Variants in SMAP2 observed in about 807,000 individuals in gnomAD.
The protein encoded by SMAP2 is stromal membrane-associated protein 2.
In SMAP2, 25 loss-of-function variants were observed where a neutral mutation model predicts 56.4. The ratio of observed to expected loss-of-function variants is 0.44; its 90% CI spans 0.32 to 0.62. SMAP2 has a LOEUF of 0.62. Among genes scored for constraint, SMAP2 ranks in the 20% least tolerant of loss-of-function variants. The probability of loss-of-function intolerance (pLI) is 0.04; values close to 1 mark genes in which losing one functional copy is unlikely to be tolerated. For synonymous variants in SMAP2, 157 were observed against 181.7 expected (o/e 0.86, Z 1.09); for missense variants, 388 against 545.6 (o/e 0.71, Z 2.88).
chr1:40,411,196 T>G (rs1214159091), intron 4 of SMAP2, among the ~76,000 whole-genome samples: 1 of 152,228 alleles, frequency 6.6e-6, no homozygotes, highest in East Asian at 1.9e-4. Flanking sequence ...GACTCTTACC[T>G]TGCAGTTATC....
At chr1:40,351,063 C>T (rs1298962139) in intron 1 of SMAP2, among the ~76,000 whole-genome samples, 7 of 152,290 alleles carry the variant, frequency 4.6e-5, no homozygotes, top group Non-Finnish European at 7.3e-5. Flanking sequence ...CAAGAAGTTC[C>T]CTTGTGCTTG....
chr1:40,386,853 CT>C lies in SMAP2; in HGVS notation c.103+12648del, dbSNP rs57984975. On this transcript the variant is annotated intron_variant, in intron 1 of 9. Coordinates refer to ENST00000372718, the MANE Select transcript of SMAP2 (RefSeq NM_022733.3). The surrounding 1 kb of genome is among the most constrained non-coding windows in gnomAD (Gnocchi z 4.1). Reference sequence around the variant, plus strand: ...GATGCTGAAGGTATTTTTCATAATTCTTTTTTTTTTTTTTTTTTGGAGACAA... The same window carrying C: ...GATGCTGAAGGTATTTTTCATAATTCTTTTTTTTTTTTTTTTTGGAGACAA... 4.6e-3 allele frequency among the ~76,000 whole-genome samples: 582 copies of C among 127,318 alleles called. 1 individual carries two copies. Among genetic ancestry groups the C allele is most frequent in the African/African-American group, 0.012 (402 of 33,726 alleles). 83.5% of individuals were successfully genotyped at this position (127,318 alleles called of 152,430 possible).
intron 1 of SMAP2, among the ~76,000 whole-genome samples, chr1:40,345,878 A>ATATTTTATTG (rs879340127): frequency 2.1e-5 from 2 of 95,048 alleles, no homozygotes; most frequent in African/African-American, 6.7e-5. Flanking sequence ...ATATTGTATT[A>ATATTTTATTG]TATTGTATTG....
Position 40,413,032 on chromosome 1 carries a change from A to G in SMAP2, c.419A>G (p.Lys140Arg), listed in dbSNP as rs1431835109. ...INAFRKEKDDKWKRGSEPVPE... is the reference protein window; with the variant it reads ...INAFRKEKDDRWKRGSEPVPE... ...TCATTATAGAAAGAAAAAGATGACA[A>G]GTGGAAAAGAGGGAGCGAACCAGTT... is the stretch of plus-strand genomic sequence containing the variant. The change falls in exon 5 of 10, where the codon AAG (lysine) becomes AGG (arginine). Residue 140 changes from lysine to arginine, a missense_variant. By Grantham distance (26) the Lys-to-Arg change is conservative (BLOSUM62 2). Coordinates refer to ENST00000372718, the MANE Select transcript of SMAP2 (RefSeq NM_022733.3). 8 of 1,611,150 alleles carry G rather than the reference A, an allele frequency of 5.0e-6. No individual in the cohort carries two copies. The highest frequency in any genetic ancestry group is 6.8e-6 in the Non-Finnish European group (8 of 1,179,000).
Position 40,415,300 on chromosome 1 carries a change from T to C in SMAP2, c.600T>C (p.Asn200=), listed in dbSNP as rs754387961. The C allele has an allele frequency of 6.2e-7, 1 of 1,613,976 alleles. No homozygotes were observed. The highest frequency in any genetic ancestry group is 1.1e-5 in the South Asian group (1 of 91,074). ...CTCCTGTGGCCTGCTCCATTGCAAA[T>C]AGTAAGACCAGCAATACCCTAGAGA... The part of the protein sequence containing the change: ...LDAPVACSIA[N]SKTSNTLEKD... Residue 200 remains asparagine (N), a synonymous_variant, in exon 7 of 10, where the codon AAT becomes AAC. Transcript: ENST00000372718.
rs938474513 is a variant in SMAP2, at chr1:40,386,156, T to G, written c.103+11933T>G. 6.6e-6 allele frequency among the ~76,000 whole-genome samples: 1 copy of G among 152,226 alleles called. No homozygotes were observed. The highest frequency in any genetic ancestry group is 2.4e-5 in the African/African-American group (1 of 41,440). ...AAACTCCCTGTTCTTACCATGATGCTTTTGTTCAAAATAGCTGAAAACAGC... is the reference window on the plus strand; with the variant it reads ...AAACTCCCTGTTCTTACCATGATGCGTTTGTTCAAAATAGCTGAAAACAGC... On this transcript the variant is annotated intron_variant, in intron 1 of 9. Coordinates refer to ENST00000372718, the MANE Select transcript of SMAP2 (RefSeq NM_022733.3). This position sits in a 1 kb window ranked among gnomAD's most constrained non-coding sequence, Gnocchi z 4.1.
At chr1:40,357,855 A>G (rs1295448129) in intron 1 of SMAP2, among the ~76,000 whole-genome samples, 1 of 152,132 alleles carries the variant, frequency 6.6e-6, no homozygotes, top group Non-Finnish European at 1.5e-5. Context: ...AAAGTCAGGT[A>G]ATGTGATTAC....
chr1:40,394,173 A>G (rs1644746592), intron 1 of SMAP2, among the ~76,000 whole-genome samples: 1 of 152,130 alleles, frequency 6.6e-6, no homozygotes, highest in Admixed American at 6.5e-5. Context: ...CTTTCTTAAG[A>G]TAAGTGTTTC....
At chr1:40,410,486 A>G (rs1429775044) in intron 4 of SMAP2, among the ~76,000 whole-genome samples, 1 of 152,022 alleles carries the variant, frequency 6.6e-6, no homozygotes, top group Admixed American at 6.6e-5. Context: ...ATACACACAT[A>G]TATACTTTTT....
chr1:40,373,145 G>T (rs111745501), upstream of SMAP2, among the ~76,000 whole-genome samples: 15 of 152,294 alleles, frequency 9.8e-5, 1 homozygote, highest in African/African-American at 3.6e-4. Flanking sequence ...AAACTGTCTG[G>T]GCACCAGGCC....
Position 40,417,016 on chromosome 1 carries a change from TACATGGCAG to T in SMAP2, c.1085_1093del (p.Tyr362_Gly365delinsCys). 6.2e-7 allele frequency: 1 copy of T among 1,614,152 alleles called. No individual in the cohort carries two copies. The highest frequency in any genetic ancestry group is 1.3e-5 in the African/African-American group (1 of 75,054). ...AATGATGACCACCCAGCAGGCTGGC[TACATGGCAG>T]GCATGGCAGCTATGCCCCAGACTGT... On this transcript the variant is annotated inframe_deletion, in exon 9 of 10. Transcript: ENST00000372718.
chr1:40,394,898 C>T (rs1305471807), intron 1 of SMAP2, among the ~76,000 whole-genome samples: 1 of 152,038 alleles, frequency 6.6e-6, no homozygotes, highest in African/African-American at 2.4e-5. Flanking sequence ...TATCCCATCC[C>T]CAAATCAGAA....
intron 9 of SMAP2, among the ~76,000 whole-genome samples, chr1:40,420,239 A>T (rs749932788): frequency 6.6e-6 from 1 of 152,176 alleles, no homozygotes; most frequent in East Asian, 1.9e-4. Flanking sequence ...TCTAGCTTTC[A>T]TAGTGGAGAT....
intron 1 of SMAP2, among the ~76,000 whole-genome samples, chr1:40,345,068 A>T (rs1569807699): frequency 6.6e-6 from 1 of 151,734 alleles, no homozygotes; most frequent in Non-Finnish European, 1.5e-5. Context: ...AGCTCTAAAG[A>T]CTGACATTTA....
intron 1 of SMAP2, among the ~76,000 whole-genome samples, chr1:40,360,515 C>T (rs1569822986): frequency 6.6e-6 from 1 of 151,210 alleles, no homozygotes; most frequent in South Asian, 2.1e-4. Flanking sequence ...GTTGGCCAGG[C>T]TGGTCTCAAA....
Position 40,374,037 on chromosome 1 carries a change from G to C in SMAP2, c.-84G>C. On this transcript the variant is annotated 5_prime_UTR_variant, in exon 1 of 10. Transcript: ENST00000372718. The surrounding 1 kb of genome is among the most constrained non-coding windows in gnomAD (Gnocchi z 5.9). ...AGGAGGTGCCCCTGGGCGGGGGACC[G>C]GGAGTCCTCAACCCCGGACTGAGGC... The C allele has an allele frequency of 9.6e-7, 1 of 1,045,642 alleles. No homozygotes were observed. The highest frequency in any genetic ancestry group is 1.6e-5 in the African/African-American group (1 of 63,384). The allele number at this position is 1,045,642 out of a possible 1,614,324, so 64.8% of individuals were successfully genotyped here.
intron 1 of SMAP2, among the ~76,000 whole-genome samples, chr1:40,403,947 A>G (rs893591425): frequency 5.9e-5 from 9 of 152,212 alleles, no homozygotes; most frequent in African/African-American, 2.2e-4. Flanking sequence ...AAAATTAAAA[A>G]ATTAGCTGGG....
intron 1 of SMAP2, among the ~76,000 whole-genome samples, chr1:40,361,884 T>A (rs970452779): frequency 6.6e-6 from 1 of 152,144 alleles, no homozygotes; most frequent in East Asian, 1.9e-4. Context: ...TTTGACAAAG[T>A]GTGCATGGGA....
chr1:40,361,121 G>A (rs1360994289), intron 1 of SMAP2, among the ~76,000 whole-genome samples: 4 of 152,206 alleles, frequency 2.6e-5, no homozygotes, highest in African/African-American at 9.7e-5. Context: ...AGAGAAAAGA[G>A]GGCTTTGCCT....
Sources: gnomAD v4.1 joint callset for allele counts (sites outside exome capture counted in the v4.1 genomes callset) on GRCh38, gnomAD v4.1.1 for gene constraint, Gnocchi (gnomAD v3.1) non-coding constraint, MANE v1.5 for transcripts, NCBI Gene and HGNC (gene_info 2026-07-23, HGNC 2026-07-21) for gene names.